Variants in LHPP observed in about 807,000 individuals in gnomAD.
LHPP encodes the protein hLHPP.
Under a neutral mutation model 30.3 loss-of-function variants are expected in LHPP, and 24 were observed. The ratio of observed to expected loss-of-function variants is 0.79; its 90% CI spans 0.57 to 1.11. The LOEUF is 1.11. LHPP is among the 50% of genes most tolerant of loss of function. The pLI is 0.00. For missense variants in LHPP, 356 were observed against 367.2 expected (o/e 0.97, Z 0.25); for synonymous variants, 150 against 157.1 (o/e 0.95, Z 0.34).
chr10:124,609,246 T>A (rs1474162648), intron 6 of LHPP, among the ~76,000 whole-genome samples: 1 of 152,244 alleles, frequency 6.6e-6, no homozygotes, highest in Non-Finnish European at 1.5e-5. Context: ...GAGCATTATA[T>A]GTGGCTTCTC....
At chr10:124,477,586 G>A (rs995386775) in intron 1 of LHPP, among the ~76,000 whole-genome samples, 1 of 152,132 alleles carries the variant, frequency 6.6e-6, no homozygotes. Context: ...GGGCCCGTCA[G>A]ATCTGGAACT....
chr10:124,578,478 G>A (rs1289319338), intron 6 of LHPP, among the ~76,000 whole-genome samples: 1 of 152,224 alleles, frequency 6.6e-6, no homozygotes, highest in African/African-American at 2.4e-5. Flanking sequence ...TCTCTGAGGT[G>A]GAGCGTCTGC....
chr10:124,551,742 G>T (rs1948171820), intron 6 of LHPP, among the ~76,000 whole-genome samples: 1 of 152,162 alleles, frequency 6.6e-6, no homozygotes, highest in Admixed American at 6.5e-5. Context: ...CCACAGCTGG[G>T]AGGGCAGTTC....
Position 124,576,552 on chromosome 10 carries a change from C to A in LHPP, c.717-36712C>A, listed in dbSNP as rs1948665783. 6.6e-6 allele frequency among the ~76,000 whole-genome samples: 1 copy of A among 151,238 alleles called. No homozygotes were observed. Among genetic ancestry groups the A allele is most frequent in the African/African-American group, 2.4e-5 (1 of 41,122 alleles). Reference sequence around the variant, plus strand: ...CTGCCCCCAGATCCCCCTTTGCTGCCACCCCTATATCTTACCCCAGACTCC... The same window carrying A: ...CTGCCCCCAGATCCCCCTTTGCTGCAACCCCTATATCTTACCCCAGACTCC... On this transcript the variant is annotated intron_variant, in intron 6 of 6. Transcript: ENST00000368842. The surrounding 1 kb of genome is among the most constrained non-coding windows in gnomAD (Gnocchi z 4.2).
intron 6 of LHPP, among the ~76,000 whole-genome samples, chr10:124,601,612 G>A (rs1328380245): frequency 6.6e-6 from 1 of 152,256 alleles, no homozygotes; most frequent in Non-Finnish European, 1.5e-5. Context: ...AGTCAGTGGG[G>A]CAGTGAGAAC....
chr10:124,609,686 G>A (rs1291803960), intron 6 of LHPP, among the ~76,000 whole-genome samples: 8 of 152,340 alleles, frequency 5.3e-5, no homozygotes, highest in African/African-American at 1.4e-4. Flanking sequence ...GGAAGCTGCC[G>A]TCCCACCCTC....
chr10:124,503,399 TTTC>T (rs1354827232), intron 5 of LHPP, among the ~76,000 whole-genome samples: 6 of 152,006 alleles, frequency 3.9e-5, no homozygotes. Context: ...GCCCAAGACA[TTTC>T]TTCTTCCAGT....
Position 124,590,398 on chromosome 10 carries a change from A to G in LHPP, c.717-22866A>G, listed in dbSNP as rs1395148625. Among the ~76,000 whole-genome samples the G allele has an allele frequency of 6.6e-6, 1 of 152,168 alleles. No individual in the cohort carries two copies. The highest frequency in any genetic ancestry group is 1.5e-5 in the Non-Finnish European group (1 of 68,034). On this transcript the variant is annotated intron_variant, in intron 6 of 6. Transcript: ENST00000368842. This position sits in a 1 kb window ranked among gnomAD's most constrained non-coding sequence, Gnocchi z 4.3. ...AAGGCGCCTCTCATCCTCTGAGCCA[A>G]GAAGACTTCTGACCCAGAATTCTGA...
chr10:124,500,853 G>A (rs981010400), intron 5 of LHPP, among the ~76,000 whole-genome samples: 1 of 151,958 alleles, frequency 6.6e-6, no homozygotes, highest in Non-Finnish European at 1.5e-5. Context: ...GTTCCTCAAA[G>A]TTAAACATAG....
rs759805948 is a variant in LHPP, at chr10:124,510,518, C to T, written c.625-6662C>T. Among the ~76,000 whole-genome samples the T allele has an allele frequency of 1.6e-4, 25 of 152,212 alleles. No homozygotes were observed. The highest frequency in any genetic ancestry group is 2.9e-4 in the Non-Finnish European group (20 of 68,038). ...ACGCTGTTCCTGCATGAGAACTCTT[C>T]CTCCAAGAGACCACGTTCCTCTGGT... On this transcript the variant is annotated intron_variant, in intron 5 of 6. Coordinates refer to ENST00000368842, the MANE Select transcript of LHPP (RefSeq NM_022126.4). The surrounding 1 kb of genome is among the most constrained non-coding windows in gnomAD (Gnocchi z 4.0).
In LHPP at chr10:124,496,971, A is replaced by G; in HGVS notation, c.478A>G (p.Lys160Glu). The G allele has an allele frequency of 1.2e-6, 2 of 1,614,002 alleles. No individual in the cohort carries two copies. Among genetic ancestry groups the G allele is most frequent in the Non-Finnish European group, 1.7e-6 (2 of 1,179,888 alleles). Residue 160 changes from lysine to glutamate, a missense_variant, in exon 4 of 7, where the codon AAG (lysine) becomes GAG (glutamate). By Grantham distance (56) the Lys-to-Glu change is moderately conservative. Coordinates refer to ENST00000368842, the MANE Select transcript of LHPP (RefSeq NM_022126.4). The surrounding 1 kb of genome is among the most constrained non-coding windows in gnomAD (Gnocchi z 4.3). ...TCTGCTCTCTCCTAGGCGTTACTAC[A>G]AGGAGACCTCTGGCCTGATGCTGGA... ...LISLGKGRYY[K>E]ETSGLMLDVG...
chr10:124,551,467 G>C (rs76544775), intron 6 of LHPP, among the ~76,000 whole-genome samples: 51 of 152,310 alleles, frequency 3.3e-4, no homozygotes, highest in African/African-American at 9.6e-4. Flanking sequence ...GTGGGGGCGG[G>C]GGGGCAGAGC....
chr10:124,599,887 G>A (rs1948999529), intron 6 of LHPP, among the ~76,000 whole-genome samples: 1 of 152,246 alleles, frequency 6.6e-6, no homozygotes, highest in Admixed American at 6.5e-5. Context: ...GGGTCCCCCA[G>A]GCCTGTGTCC....
At chr10:124,497,903 C>T in intron 4 of LHPP, 133 bp from the exon 5 acceptor site, 1 of 721,660 alleles carries the variant, frequency 1.4e-6, no homozygotes, top group Non-Finnish European at 2.4e-6. Flanking sequence ...GAGATGAGTT[C>T]TCAGGCCCAC....
intron 6 of LHPP, among the ~76,000 whole-genome samples, chr10:124,607,586 A>G (rs1949112226): frequency 6.6e-6 from 1 of 151,640 alleles, no homozygotes; most frequent in Non-Finnish European, 1.5e-5. Flanking sequence ...CTATGGGGAG[A>G]CCTCTTGTTC....
At chr10:124,581,087 G>A (rs992974386) in intron 6 of LHPP, among the ~76,000 whole-genome samples, 2 of 152,152 alleles carry the variant, frequency 1.3e-5, no homozygotes, top group East Asian at 3.9e-4. Context: ...GTAACCCTAA[G>A]CAAATACTCA....
At chr10:124,498,818 C>G (rs994860753) in intron 5 of LHPP, 3 of 293,954 alleles carry the variant, frequency 1.0e-5, no homozygotes, top group African/African-American at 4.1e-5. Flanking sequence ...CTAACCAGGC[C>G]CCCCCCCCGC....
At chr10:124,494,109 T>G (rs1953626973) in intron 3 of LHPP, among the ~76,000 whole-genome samples, 1 of 152,212 alleles carries the variant, frequency 6.6e-6, no homozygotes, top group Non-Finnish European at 1.5e-5. Context: ...ATTGTGTATT[T>G]TCAGTTGCAC....
intron 6 of LHPP, among the ~76,000 whole-genome samples, chr10:124,546,963 C>A (rs1316330703): frequency 3.9e-5 from 6 of 152,280 alleles, no homozygotes; most frequent in African/African-American, 9.6e-5. Context: ...ACCTCTCCCG[C>A]TCTTAACCCG....
Sources: gnomAD v4.1 joint callset for allele counts (sites outside exome capture counted in the v4.1 genomes callset) on GRCh38, gnomAD v4.1.1 for gene constraint, Gnocchi (gnomAD v3.1) non-coding constraint, MANE v1.5 for transcripts, NCBI Gene and HGNC (gene_info 2026-07-23, HGNC 2026-07-21) for gene names.